SLC4A4: variants seen among roughly 807,000 people sequenced by gnomAD.
SLC4A4 encodes the protein electrogenic sodium bicarbonate cotransporter 1.
In SLC4A4, 27 loss-of-function variants were observed where a neutral mutation model predicts 111.5. The ratio of observed to expected loss-of-function variants is 0.24; its 90% CI spans 0.18 to 0.33. The LOEUF (loss-of-function observed/expected upper bound fraction) is 0.33, where lower values mean the gene tolerates loss of function less well. SLC4A4 is among the 10% of genes least tolerant of loss of function. SLC4A4 has a pLI of 1.00. For synonymous variants in SLC4A4, 443 were observed against 463.4 expected (o/e 0.96, Z 0.57); for missense variants, 909 against 1,315.5 (o/e 0.69, Z 4.78).
chr4:71,324,255 G>A (rs993538838), intron 3 of SLC4A4, among the ~76,000 whole-genome samples: 9 of 151,914 alleles, frequency 5.9e-5, no homozygotes, highest in Admixed American at 2.6e-4. Flanking sequence ...AAGTCAAAAT[G>A]TTTAGTTTCA....
At chr4:71,542,901 A>G (rs555203980) in intron 18 of SLC4A4, among the ~76,000 whole-genome samples, 31 of 152,246 alleles carry the variant, frequency 2.0e-4, no homozygotes, top group African/African-American at 7.2e-4. Context: ...GCATTTATTC[A>G]TTTATCCATC....
At chr4:71,534,514 G>A (rs897025321) in intron 18 of SLC4A4, 126 bp downstream of exon 18, 25 of 844,614 alleles carry the variant, frequency 3.0e-5, no homozygotes, top group East Asian at 2.4e-4. Flanking sequence ...TTAAGAGTCC[G>A]CAGAACCAGA....
intron 1 of SLC4A4, among the ~76,000 whole-genome samples, chr4:71,090,163 G>C (rs961440611): frequency 6.6e-6 from 1 of 152,040 alleles, no homozygotes; most frequent in Non-Finnish European, 1.5e-5. Context: ...CTAGCAATGA[G>C]CGAGGCTCCG....
chr4:71,085,131 T>A (rs935394528), intron 1 of SLC4A4, among the ~76,000 whole-genome samples: 11 of 152,124 alleles, frequency 7.2e-5, no homozygotes, highest in Non-Finnish European at 1.5e-4. Flanking sequence ...ATTGTGGTTT[T>A]GATTTGCATT....
At chr4:71,287,769 C>T (rs1309062797) in intron 3 of SLC4A4, among the ~76,000 whole-genome samples, 1 of 152,112 alleles carries the variant, frequency 6.6e-6, no homozygotes, top group African/African-American at 2.4e-5. Flanking sequence ...AGTCTCAACA[C>T]AAAAGAAATA....
chr4:71,376,225 G>A lies in SLC4A4; in HGVS notation c.730+19038G>A, dbSNP rs765268126. Among the ~76,000 whole-genome samples, 110 of 142,028 alleles carry A rather than the reference G, an allele frequency of 7.7e-4. 1 individual carries two copies. Among genetic ancestry groups the A allele is most frequent in the African/African-American group, 2.7e-3 (105 of 38,534 alleles). 93.2% of individuals were successfully genotyped at this position (142,028 alleles called of 152,430 possible). A position where few individuals can be genotyped will look rare whatever the true frequency, so the allele number is the denominator to read the frequency against. On this transcript the variant is annotated intron_variant, in intron 6 of 25. Coordinates refer to ENST00000264485, the MANE Select transcript of SLC4A4 (RefSeq NM_001098484.3). ...TGTGTGTATATATATTTTTTGAGAC[G>A]GAGTCTCGCTCTGTCACCCAGGCTG...
chr4:71,455,779 C>A (rs1176688131), intron 12 of SLC4A4, among the ~76,000 whole-genome samples: 3 of 152,072 alleles, frequency 2.0e-5, no homozygotes, highest in Non-Finnish European at 4.4e-5. Flanking sequence ...TTCTTTGCAA[C>A]CTCATAAGAC....
At chr4:71,555,352 C>T (rs986632164) in intron 21 of SLC4A4, 144 bp downstream of exon 21, 1 of 731,800 alleles carries the variant, frequency 1.4e-6, no homozygotes, top group Non-Finnish European at 2.5e-6. Context: ...CACCATTCAC[C>T]TGCTTTTCAT....
intron 3 of SLC4A4, among the ~76,000 whole-genome samples, chr4:71,334,597 A>G (rs1203721856): frequency 6.6e-6 from 1 of 152,160 alleles, no homozygotes; most frequent in Non-Finnish European, 1.5e-5. Context: ...AGGAGTTGCA[A>G]ACTAGTTTAT....
At chr4:71,413,614 A>G (rs1262024672) in intron 7 of SLC4A4, among the ~76,000 whole-genome samples, 1 of 152,196 alleles carries the variant, frequency 6.6e-6, no homozygotes, top group East Asian at 1.9e-4. Flanking sequence ...AAAGTATTTT[A>G]GTGGATGATT....
chr4:71,320,890 G>A (rs1471403200), intron 3 of SLC4A4, among the ~76,000 whole-genome samples: 1 of 152,048 alleles, frequency 6.6e-6, no homozygotes, highest in South Asian at 2.1e-4. Context: ...ACAGGATGCT[G>A]TTAATAATCA....
intron 1 of SLC4A4, among the ~76,000 whole-genome samples, chr4:71,065,960 T>C (rs1278212575): frequency 6.6e-6 from 1 of 151,712 alleles, no homozygotes; most frequent in East Asian, 1.9e-4. Flanking sequence ...AGGGCAGGAG[T>C]TGTATATGCC....
intron 6 of SLC4A4, among the ~76,000 whole-genome samples, chr4:71,396,331 G>T (rs1719820382): frequency 6.6e-6 from 1 of 152,168 alleles, no homozygotes; most frequent in Admixed American, 6.5e-5. Context: ...TAATTTTTCT[G>T]ATCTGGTAGT....
intron 2 of SLC4A4, among the ~76,000 whole-genome samples, chr4:71,158,106 T>C: frequency 7.1e-6 from 1 of 140,770 alleles, no homozygotes; most frequent in Non-Finnish European, 1.5e-5. Flanking sequence ...TCTGTGTGTG[T>C]GTGTGTGTGT....
At chr4:71,081,313 G>A (rs1368772622) in intron 1 of SLC4A4, among the ~76,000 whole-genome samples, 1 of 152,048 alleles carries the variant, frequency 6.6e-6, no homozygotes, top group African/African-American at 2.4e-5. Flanking sequence ...CAGAGCCTGG[G>A]CTTAGAGCTC....
chr4:71,202,453 G>A (rs922980727), intron 1 of SLC4A4, among the ~76,000 whole-genome samples: 5 of 151,998 alleles, frequency 3.3e-5, no homozygotes, highest in Admixed American at 3.3e-4. Flanking sequence ...TATTTTTAAG[G>A]GACTATCTAA....
chr4:71,180,759 A>C (rs1395475271), intron 2 of SLC4A4, among the ~76,000 whole-genome samples: 1 of 152,204 alleles, frequency 6.6e-6, no homozygotes, highest in Admixed American at 6.5e-5. Context: ...GTGGGACTAA[A>C]CTAATTCAAC....
intron 6 of SLC4A4, among the ~76,000 whole-genome samples, chr4:71,383,615 A>G (rs556093850): frequency 3.3e-5 from 5 of 152,302 alleles, no homozygotes; most frequent in Admixed American, 3.3e-4. Flanking sequence ...TTGAGTTCAG[A>G]GGGATTTATG....
At chr4:71,306,412 C>G (rs1323995615) in intron 3 of SLC4A4, among the ~76,000 whole-genome samples, 1 of 152,080 alleles carries the variant, frequency 6.6e-6, no homozygotes, top group East Asian at 1.9e-4. Flanking sequence ...GAAACCCTGT[C>G]TCTACTAAAA....
Sources: allele counts gnomAD v4.1 joint callset (sites outside exome capture counted in the v4.1 genomes callset), GRCh38; gene constraint gnomAD v4.1.1; transcripts MANE v1.5; gene names NCBI Gene and HGNC (gene_info 2026-07-23, HGNC 2026-07-21).